TSPAN9: variants seen among roughly 807,000 people sequenced by gnomAD.
TSPAN9 encodes tetraspanin 9.
In TSPAN9, 16 loss-of-function variants were observed where a neutral mutation model predicts 31.0. The ratio of observed to expected loss-of-function variants is 0.52; its 90% CI spans 0.35 to 0.78. The LOEUF (loss-of-function observed/expected upper bound fraction) is 0.78. TSPAN9 is among the 30% of genes least tolerant of loss of function. The probability of loss-of-function intolerance (pLI) is 0.01; values close to 1 mark genes in which losing one functional copy is unlikely to be tolerated. For missense variants in TSPAN9, 272 were observed against 312.5 expected, an observed-to-expected ratio of 0.87 and a Z score of 0.98; for synonymous variants, 145 against 121.6, an observed-to-expected ratio of 1.19 and a Z score of -1.27.
chr12:3,157,446 A>G (rs775627907), intron 2 of TSPAN9, among the ~76,000 whole-genome samples: 4 of 152,234 alleles, frequency 2.6e-5, no homozygotes, highest in East Asian at 1.9e-4. Context: ...AGCTAGACAC[A>G]TGTGGGTTCA....
intron 2 of TSPAN9, among the ~76,000 whole-genome samples, chr12:3,139,866 C>T (rs1443126318): frequency 6.6e-6 from 1 of 152,188 alleles, no homozygotes; most frequent in East Asian, 1.9e-4. Context: ...CTTTTATGTT[C>T]CTTCACAGCA....
At position 3,117,439 on chromosome 12, in the gene TSPAN9, G is replaced by A. The variant is rs538647663; in HGVS notation, c.-18+33720G>A. Among the ~76,000 whole-genome samples the A allele has an allele frequency of 7.9e-5, 12 of 152,226 alleles. No homozygotes were observed. The South Asian group carries it at 2.3e-3, about 29-fold the overall frequency. Reference sequence around the variant, plus strand: ...GAGGAAGTGGTGGGACTATTTGCCCGATTTTTGTATCCTAGGGCCTGTCTC... The same window carrying A: ...GAGGAAGTGGTGGGACTATTTGCCCAATTTTTGTATCCTAGGGCCTGTCTC... On this transcript the variant is annotated intron_variant, in intron 2 of 8. Coordinates refer to ENST00000011898, the MANE Select transcript of TSPAN9 (RefSeq NM_006675.5).
At chr12:3,266,315 T>C (rs1264731200) in intron 3 of TSPAN9, among the ~76,000 whole-genome samples, 1 of 152,168 alleles carries the variant, frequency 6.6e-6, no homozygotes, top group African/African-American at 2.4e-5. Flanking sequence ...TTCTGTCATC[T>C]GCAAAATGGG....
rs181372195 is a variant in TSPAN9 at position 3,159,045 on chromosome 12, C to T, written c.-17-42132C>T. Among the ~76,000 whole-genome samples the T allele has an allele frequency of 2.4e-3, 361 of 152,056 alleles. 1 individual carries two copies. Among genetic ancestry groups the T allele is most frequent in the African/African-American group, 8.0e-3 (332 of 41,458 alleles). ...GGCCTCCTCAGAGCTTGATTGTCTGCGCTCCCCACCCCCTGCCAGGGAGCC... is the reference window on the plus strand; with the variant it reads ...GGCCTCCTCAGAGCTTGATTGTCTGTGCTCCCCACCCCCTGCCAGGGAGCC... On this transcript the variant is annotated intron_variant, in intron 2 of 8. Coordinates refer to ENST00000011898, the MANE Select transcript of TSPAN9 (RefSeq NM_006675.5).
intron 2 of TSPAN9, among the ~76,000 whole-genome samples, chr12:3,121,369 T>C (rs1282062822): frequency 7.0e-6 from 1 of 143,174 alleles, no homozygotes; most frequent in Non-Finnish European, 1.5e-5. Flanking sequence ...TTTTTTTTTT[T>C]TTTTTTTTGA....
chr12:3,130,063 G>C (rs1433043820), intron 2 of TSPAN9, among the ~76,000 whole-genome samples: 1 of 152,194 alleles, frequency 6.6e-6, no homozygotes, highest in African/African-American at 2.4e-5. Flanking sequence ...AAGGTCTCTG[G>C]GCGGCTGTAC....
intron 3 of TSPAN9, chr12:3,211,937 G>A (rs2098378943): frequency 4.5e-6 from 6 of 1,332,552 alleles, no homozygotes; most frequent in Non-Finnish European, 6.3e-6. Flanking sequence ...TGCGTAGGTC[G>A]TCACCACCGG....
At chr12:3,155,425 A>T (rs1243721205) in intron 2 of TSPAN9, among the ~76,000 whole-genome samples, 1 of 152,138 alleles carries the variant, frequency 6.6e-6, no homozygotes, top group African/African-American at 2.4e-5. Flanking sequence ...TCTCCTGAAT[A>T]GCTGTTAGAA....
intron 2 of TSPAN9, among the ~76,000 whole-genome samples, chr12:3,156,454 G>A (rs1340534237): frequency 6.6e-6 from 1 of 152,058 alleles, no homozygotes; most frequent in Admixed American, 6.6e-5. Context: ...AGGTGTTGGA[G>A]TTTGGGATCT....
At chr12:3,202,748 T>TG (rs1027639420) in intron 3 of TSPAN9, among the ~76,000 whole-genome samples, 1 of 152,170 alleles carries the variant, frequency 6.6e-6, no homozygotes, top group African/African-American at 2.4e-5. Context: ...TGACTTGAGT[T>TG]GGATTCCCCT....
intron 2 of TSPAN9, among the ~76,000 whole-genome samples, chr12:3,123,403 T>C (rs2098326004): frequency 6.6e-6 from 1 of 152,192 alleles, no homozygotes; most frequent in Admixed American, 6.5e-5. Context: ...GGCTCTGTGC[T>C]GACCAGCTGC....
chr12:3,113,733 A>G (rs911555414), intron 2 of TSPAN9, among the ~76,000 whole-genome samples: 6 of 152,138 alleles, frequency 3.9e-5, no homozygotes, highest in African/African-American at 1.4e-4. Flanking sequence ...GCCAGCTGCC[A>G]TGCATGCCCT....
At chr12:3,093,001 G>T (rs193297738) in intron 2 of TSPAN9, among the ~76,000 whole-genome samples, 1 of 152,234 alleles carries the variant, frequency 6.6e-6, no homozygotes, top group South Asian at 2.1e-4. Flanking sequence ...CTCTTCCTGC[G>T]AGGAGCTCAC....
chr12:3,092,204 C>A (rs933416), intron 2 of TSPAN9, among the ~76,000 whole-genome samples: 62,890 of 151,898 alleles, frequency 0.41, 13,362 homozygotes, highest in South Asian at 0.47. Flanking sequence ...GGAGACCTGC[C>A]AGGCCCTCCC....
At chr12:3,123,508 C>T (rs34117451) in intron 2 of TSPAN9, among the ~76,000 whole-genome samples, 20,639 of 152,010 alleles carry the variant, frequency 0.14, 1,695 homozygotes, top group Middle Eastern at 0.22. Flanking sequence ...TTCTGAGTCT[C>T]TCTCCAGGCA....
Position 3,197,757 on chromosome 12 carries a change from T to TCAC in TSPAN9, c.-17-3417_-17-3415dup, listed in dbSNP as rs1555150559. Among the ~76,000 whole-genome samples the TCAC allele has an allele frequency of 9.0e-4, 28 of 31,010 alleles. 10 individuals carry two copies. Among genetic ancestry groups the TCAC allele is most frequent in the African/African-American group, 3.7e-3 (24 of 6,500 alleles). 20.3% of individuals were successfully genotyped at this position (31,010 alleles called of 152,430 possible). On this transcript the variant is annotated intron_variant, in intron 2 of 8. Transcript: ENST00000011898. The stretch of plus-strand genomic sequence containing the variant: ...CAGCACAGGCCACCACCAGCACAGG[T>TCAC]CACCAGCACAGGCCACCACCAGCAC...
intron 2 of TSPAN9, among the ~76,000 whole-genome samples, chr12:3,179,487 C>A (rs1252715370): frequency 6.6e-6 from 1 of 152,074 alleles, no homozygotes; most frequent in Admixed American, 6.6e-5. Context: ...TGCGTGAGGG[C>A]GTGATGTTTT....
At chr12:3,208,897 T>A (rs1329223953) in intron 3 of TSPAN9, among the ~76,000 whole-genome samples, 1 of 152,158 alleles carries the variant, frequency 6.6e-6, no homozygotes, top group East Asian at 1.9e-4. Context: ...GTTTGACTGA[T>A]TTTTCAACTT....
intron 2 of TSPAN9, among the ~76,000 whole-genome samples, chr12:3,133,606 C>T (rs532383181): frequency 6.6e-6 from 1 of 152,272 alleles, no homozygotes; most frequent in East Asian, 1.9e-4. Context: ...CACCAGCAGG[C>T]TGAGTGTACC....
Sources: gnomAD v4.1 joint callset for allele counts (sites outside exome capture counted in the v4.1 genomes callset) on GRCh38, gnomAD v4.1.1 for gene constraint, MANE v1.5 for transcripts, NCBI Gene and HGNC (gene_info 2026-07-23, HGNC 2026-07-21) for gene names.